Variants in IL1RAPL2 observed in about 807,000 individuals in gnomAD.
The protein encoded by IL1RAPL2 is interleukin 1 receptor accessory protein like 2.
In IL1RAPL2, 3 loss-of-function variants were observed where a neutral mutation model predicts 44.1. The observed-to-expected ratio is 0.07, with a 90% CI of 0.03 to 0.18. The LOEUF (loss-of-function observed/expected upper bound fraction) is 0.18, where lower values mean the gene tolerates loss of function less well. Among genes scored for constraint, IL1RAPL2 ranks in the 10% least tolerant of loss-of-function variants. IL1RAPL2 has a pLI of 1.00. For synonymous variants in IL1RAPL2, 181 were observed against 178.8 expected (o/e 1.01, Z -0.10); for missense variants, 391 against 496.4 (o/e 0.79, Z 2.02).
At chrX:105,613,331 G>A in intron 6 of IL1RAPL2, among the ~76,000 whole-genome samples, 1 of 112,530 alleles carries the variant, frequency 8.9e-6, no homozygotes, top group African/African-American at 3.2e-5. Context: ...GCGATATCCA[G>A]TTAGTATGCC....
chrX:104,996,676 T>C (rs2030754162), intron 2 of IL1RAPL2, among the ~76,000 whole-genome samples: 1 of 112,080 alleles, frequency 8.9e-6, no homozygotes, highest in Non-Finnish European at 1.9e-5. Flanking sequence ...ATTAAGTGCT[T>C]ACTATGTGCC....
chrX:104,696,353 C>T (rs1931183124), intron 2 of IL1RAPL2, among the ~76,000 whole-genome samples: 1 of 111,969 alleles, frequency 8.9e-6, no homozygotes, highest in South Asian at 3.7e-4. Flanking sequence ...TGTTACTGCA[C>T]CCTTAGTACT....
intron 5 of IL1RAPL2, among the ~76,000 whole-genome samples, chrX:105,269,751 TTA>T (rs1178149988): frequency 8.9e-6 from 1 of 111,870 alleles, no homozygotes; most frequent in African/African-American, 3.2e-5. Context: ...TCACTAATCC[TTA>T]TGAGAGGCTT....
At chrX:104,927,302 C>T (rs908980698) in intron 2 of IL1RAPL2, among the ~76,000 whole-genome samples, 2 of 111,513 alleles carry the variant, frequency 1.8e-5, no homozygotes, top group African/African-American at 6.5e-5. Context: ...ACAACAACCT[C>T]CAGTGGTATC....
At chrX:104,781,757 G>T (rs1052955202) in intron 2 of IL1RAPL2, among the ~76,000 whole-genome samples, 8 of 112,325 alleles carry the variant, frequency 7.1e-5, no homozygotes, top group Non-Finnish European at 1.3e-4. Context: ...ACACCTAGCT[G>T]CAAGAAAAGC....
intron 5 of IL1RAPL2, among the ~76,000 whole-genome samples, chrX:105,324,590 C>T (rs937766044): frequency 4.5e-5 from 5 of 110,873 alleles, no homozygotes; most frequent in Non-Finnish European, 9.4e-5. Context: ...TTAAAAATTC[C>T]CTTACTTTAT....
intron 1 of IL1RAPL2, among the ~76,000 whole-genome samples, chrX:104,614,856 A>C (rs1257331041): frequency 9.0e-6 from 1 of 111,419 alleles, no homozygotes; most frequent in Admixed American, 9.6e-5. Flanking sequence ...ATCTTTCTCT[A>C]ATCCTTTATG....
intron 2 of IL1RAPL2, among the ~76,000 whole-genome samples, chrX:104,966,693 A>G (rs1238511256): frequency 1.8e-5 from 2 of 112,109 alleles, no homozygotes; most frequent in African/African-American, 6.5e-5. Flanking sequence ...TTTAAAAGAC[A>G]AAAATTGTTG....
intron 6 of IL1RAPL2, among the ~76,000 whole-genome samples, chrX:105,564,047 T>G (rs755727683): frequency 9.0e-6 from 1 of 111,411 alleles, no homozygotes; most frequent in East Asian, 2.8e-4. Flanking sequence ...CAACAGATTG[T>G]TTGGGTAGGG....
chrX:105,014,586 T>G (rs897536713), intron 2 of IL1RAPL2, among the ~76,000 whole-genome samples: 2 of 111,994 alleles, frequency 1.8e-5, no homozygotes, highest in African/African-American at 6.5e-5. Context: ...GTTCTTGTGT[T>G]AGTTTGCTGA....
intron 5 of IL1RAPL2, among the ~76,000 whole-genome samples, chrX:105,396,424 T>C (rs1353973119): frequency 9.5e-6 from 1 of 105,070 alleles, no homozygotes; most frequent in Non-Finnish European, 2.0e-5. Flanking sequence ...GAGGTCAGGC[T>C]TATCGATAAG....
In IL1RAPL2 at chrX:104,799,899, A is replaced by G. The variant is rs1932874170; in HGVS notation, c.82+140904A>G. ...TTAACTGTGGTCACCATGAAGTGCA[A>G]TAGATCACTTAACTTATCCAAGTGA... On this transcript the variant is annotated intron_variant, in intron 2 of 10. Coordinates refer to ENST00000372582, the MANE Select transcript of IL1RAPL2 (RefSeq NM_017416.2). 2.7e-5 allele frequency among the ~76,000 whole-genome samples: 3 copies of G among 111,371 alleles called. No homozygotes were observed. The South Asian group carries it at 1.1e-3, about 42-fold the overall frequency.
chrX:104,717,728 G>T (rs939247318), intron 2 of IL1RAPL2, among the ~76,000 whole-genome samples: 2 of 108,583 alleles, frequency 1.8e-5, no homozygotes, highest in Non-Finnish European at 3.9e-5. Context: ...GTCATTTAGC[G>T]TTAGGTATCT....
At chrX:105,765,874 T>C (rs1179958187) in intron 10 of IL1RAPL2, among the ~76,000 whole-genome samples, 1 of 112,602 alleles carries the variant, frequency 8.9e-6, no homozygotes, top group East Asian at 2.8e-4. Context: ...AGATTTGTGT[T>C]GACAAATGTT....
intron 2 of IL1RAPL2, among the ~76,000 whole-genome samples, chrX:105,144,091 ATGGG>A (rs1312906415): frequency 2.4e-5 from 2 of 82,136 alleles, no homozygotes; most frequent in Non-Finnish European, 4.6e-5. Context: ...CTTTCAACAG[ATGGG>A]TGTGTGTGTG....
chrX:105,613,859 G>A (rs918394152), intron 6 of IL1RAPL2, among the ~76,000 whole-genome samples: 1 of 111,045 alleles, frequency 9.0e-6, no homozygotes, highest in Admixed American at 9.6e-5. Context: ...TTTTTACTCC[G>A]GTTCCTGGCT....
intron 2 of IL1RAPL2, among the ~76,000 whole-genome samples, chrX:104,937,811 A>G: frequency 8.9e-6 from 1 of 112,730 alleles, no homozygotes; most frequent in South Asian, 3.6e-4. Flanking sequence ...TAATGCATTT[A>G]TACATTTTTG....
At chrX:105,001,685 A>G (rs747374688) in intron 2 of IL1RAPL2, among the ~76,000 whole-genome samples, 83 of 111,607 alleles carry the variant, frequency 7.4e-4, no homozygotes, top group Non-Finnish European at 1.1e-3. Flanking sequence ...GCATTAGGAG[A>G]GTGTTGATTC....
At chrX:104,768,944 G>A (rs1348403019) in intron 2 of IL1RAPL2, among the ~76,000 whole-genome samples, 1 of 111,052 alleles carries the variant, frequency 9.0e-6, no homozygotes, top group East Asian at 2.8e-4. Flanking sequence ...TGAGCATACT[G>A]TGGTATAGTA....
Sources: gnomAD v4.1 joint callset for allele counts (sites outside exome capture counted in the v4.1 genomes callset) on GRCh38, gnomAD v4.1.1 for gene constraint, MANE v1.5 for transcripts, NCBI Gene and HGNC (gene_info 2026-07-23, HGNC 2026-07-21) for gene names.